PCBP3: variants seen among roughly 807,000 people sequenced by gnomAD.
The protein encoded by PCBP3 is poly(rC)-binding protein 3.
In PCBP3, 25 loss-of-function variants were observed where a neutral mutation model predicts 52.7. That is an observed-to-expected ratio of 0.47 (90% CI 0.35 to 0.66). The LOEUF (loss-of-function observed/expected upper bound fraction) is 0.66. PCBP3 is among the 30% of genes least tolerant of loss of function. PCBP3 has a pLI of 0.01. For missense variants in PCBP3, 391 were observed against 490.3 expected (o/e 0.80, Z 1.91); for synonymous variants, 162 against 183.0 (o/e 0.89, Z 0.93).
intron 15 of PCBP3, among the ~76,000 whole-genome samples, chr21:45,931,427 C>T (rs1258821236): frequency 2.0e-5 from 3 of 152,246 alleles, no homozygotes; most frequent in Non-Finnish European, 4.4e-5. Flanking sequence ...CCTCCCCTCA[C>T]CAAGGCCCTG....
At chr21:45,931,449 G>C (rs2076160531) in intron 15 of PCBP3, among the ~76,000 whole-genome samples, 1 of 152,266 alleles carries the variant, frequency 6.6e-6, no homozygotes, top group African/African-American at 2.4e-5. Flanking sequence ...GGACTGCAGT[G>C]CACACACATG....
chr21:45,836,210 G>T lies in PCBP3; in HGVS notation c.-125-13751G>T, dbSNP rs76120661. On this transcript the variant is annotated intron_variant, in intron 4 of 17. Coordinates refer to ENST00000681687, the MANE Select transcript of PCBP3 (RefSeq NM_001384156.1). ...AGAAGGAACCTTGGACCCCTTCCTG[G>T]TACCTCCTTACTCATCTGATTCAAA... 4.8e-3 allele frequency: 734 copies of T among 152,236 alleles called. 4 individuals carry two copies. Among genetic ancestry groups the T allele is most frequent in the African/African-American group, 0.016 (683 of 41,484 alleles). The allele number at this position is 152,236 out of a possible 1,614,324, so 9.4% of individuals were successfully genotyped here.
intron 2 of PCBP3, among the ~76,000 whole-genome samples, chr21:45,703,338 G>C (rs981782614): frequency 1.3e-5 from 2 of 152,208 alleles, no homozygotes; most frequent in Non-Finnish European, 2.9e-5. Flanking sequence ...CTTACAAAAT[G>C]TATTTCTTAA....
At chr21:45,815,495 A>AG in intron 4 of PCBP3, among the ~76,000 whole-genome samples, 1 of 76,730 alleles carries the variant, frequency 1.3e-5, no homozygotes, top group Non-Finnish European at 2.6e-5. Flanking sequence ...GTGGTGAGTG[A>AG]TGAGTGAGTG....
intron 4 of PCBP3, among the ~76,000 whole-genome samples, chr21:45,792,756 C>T (rs533287536): frequency 3.8e-4 from 58 of 152,268 alleles, no homozygotes; most frequent in African/African-American, 1.3e-3. Context: ...GAAGTTAGGA[C>T]GCTCAGCGCA....
chr21:45,679,043 A>T (rs921622765), intron 2 of PCBP3, among the ~76,000 whole-genome samples: 3 of 150,678 alleles, frequency 2.0e-5, no homozygotes, highest in Admixed American at 6.6e-5. Context: ...CACTAAAAAG[A>T]TGATGACTCA....
chr21:45,924,498 G>A (rs1266374174), intron 13 of PCBP3, among the ~76,000 whole-genome samples: 2 of 78,648 alleles, frequency 2.5e-5, no homozygotes, highest in African/African-American at 7.1e-5. Context: ...TGCGAACACC[G>A]GGAACAGTCG....
Position 45,791,047 on chromosome 21 carries a change from G to T in PCBP3, c.-126+35595G>T, listed in dbSNP as rs2091510752. On this transcript the variant is annotated intron_variant, in intron 4 of 17. Transcript: ENST00000681687. The surrounding 1 kb of genome is among the most constrained non-coding windows in gnomAD (Gnocchi z 4.2). ...GGGGCAGCCTTGGGATGCCCAGGAT[G>T]GGGGTGGGCTCAGTAGAGGGGCTGG... Among the ~76,000 whole-genome samples the T allele has an allele frequency of 6.6e-6, 1 of 152,224 alleles. No homozygotes were observed. Among genetic ancestry groups the T allele is most frequent in the East Asian group, 1.9e-4 (1 of 5,156 alleles).
At chr21:45,740,011 T>G (rs2086302519) in intron 3 of PCBP3, among the ~76,000 whole-genome samples, 1 of 152,222 alleles carries the variant, frequency 6.6e-6, no homozygotes, top group Non-Finnish European at 1.5e-5. Flanking sequence ...AGCACCCCCT[T>G]GAAGAATTGC....
At chr21:45,822,129 C>T (rs1392536530) in intron 4 of PCBP3, among the ~76,000 whole-genome samples, 2 of 152,220 alleles carry the variant, frequency 1.3e-5, no homozygotes, top group East Asian at 3.8e-4. Flanking sequence ...TCCGGTATCT[C>T]TCTGTGTTCA....
At chr21:45,906,000 G>A (rs1053543018) in intron 9 of PCBP3, among the ~76,000 whole-genome samples, 7 of 152,184 alleles carry the variant, frequency 4.6e-5, no homozygotes, top group South Asian at 2.1e-4. Flanking sequence ...CAAAGAGGGC[G>A]TCACCACGAT....
At chr21:45,676,853 C>T (rs112298770) in intron 2 of PCBP3, among the ~76,000 whole-genome samples, 24,030 of 152,192 alleles carry the variant, frequency 0.16, 2,005 homozygotes, top group Middle Eastern at 0.31. Flanking sequence ...TTCACTGCAA[C>T]ATCTGCCTCC....
chr21:45,769,179 T>C (rs1008254280), intron 4 of PCBP3, among the ~76,000 whole-genome samples: 8 of 152,218 alleles, frequency 5.3e-5, no homozygotes, highest in African/African-American at 1.2e-4. Flanking sequence ...AAGGCCCAGC[T>C]CAGTTCCAGG....
intron 2 of PCBP3, among the ~76,000 whole-genome samples, chr21:45,700,621 G>A (rs1332544369): frequency 1.3e-5 from 2 of 152,048 alleles, no homozygotes; most frequent in Non-Finnish European, 2.9e-5. Flanking sequence ...TCTCCACTGC[G>A]CAGTGTGCCA....
At chr21:45,929,326 C>T (rs1037332831) in intron 13 of PCBP3, among the ~76,000 whole-genome samples, 1 of 152,158 alleles carries the variant, frequency 6.6e-6, no homozygotes, top group African/African-American at 2.4e-5. Flanking sequence ...AAAGGCAAGA[C>T]GCTTCTGGAG....
At chr21:45,740,136 T>C (rs570564194) in intron 3 of PCBP3, among the ~76,000 whole-genome samples, 1 of 152,302 alleles carries the variant, frequency 6.6e-6, no homozygotes, top group South Asian at 2.1e-4. Context: ...GAGAGTTGCT[T>C]CTCTGCCCCA....
At chr21:45,784,601 C>T (rs966329398) in intron 4 of PCBP3, among the ~76,000 whole-genome samples, 2 of 152,184 alleles carry the variant, frequency 1.3e-5, no homozygotes, top group Non-Finnish European at 2.9e-5. Context: ...CCTGCAATTG[C>T]AGGCGCGCGC....
chr21:45,731,574 T>C (rs1603344362), intron 2 of PCBP3, among the ~76,000 whole-genome samples: 2 of 152,220 alleles, frequency 1.3e-5, no homozygotes, highest in East Asian at 3.8e-4. Flanking sequence ...TTCCTGGAAC[T>C]TTTCTTAAAC....
intron 4 of PCBP3, among the ~76,000 whole-genome samples, chr21:45,815,792 GTGAGTGA>G (rs1184563044): frequency 2.2e-5 from 2 of 90,048 alleles, no homozygotes; most frequent in African/African-American, 4.8e-5. Context: ...GTGGTGAGTG[GTGAGTGA>G]TGAGTGAGTG....
Sources: gnomAD v4.1 joint callset for allele counts (sites outside exome capture counted in the v4.1 genomes callset) on GRCh38, gnomAD v4.1.1 for gene constraint, Gnocchi (gnomAD v3.1) non-coding constraint, MANE v1.5 for transcripts, NCBI Gene and HGNC (gene_info 2026-07-23, HGNC 2026-07-21) for gene names.